Variants in MGAT4C observed in about 807,000 individuals in gnomAD.
MGAT4C encodes MGAT4 family member C.
Under a neutral mutation model 40.1 loss-of-function variants are expected in MGAT4C, and 19 were observed. That is an observed-to-expected ratio of 0.47 (90% CI 0.33 to 0.70). The LOEUF is 0.70. MGAT4C is among the 30% of genes least tolerant of loss of function. The pLI is 0.02. For synonymous variants in MGAT4C, 181 were observed against 187.1 expected, an observed-to-expected ratio of 0.97 and a Z score of 0.27; for missense variants, 491 against 563.2, an observed-to-expected ratio of 0.87 and a Z score of 1.30.
At chr12:86,367,005 G>C (rs943776080) in intron 3 of MGAT4C, among the ~76,000 whole-genome samples, 3 of 152,180 alleles carry the variant, frequency 2.0e-5, no homozygotes, top group South Asian at 4.1e-4. Context: ...ATTTGAAAGT[G>C]TTAAAAGTAA....
chr12:86,098,005 C>A (rs1041225155), intron 1 of MGAT4C, among the ~76,000 whole-genome samples: 4 of 151,586 alleles, frequency 2.6e-5, no homozygotes, highest in African/African-American at 9.7e-5. Context: ...GGAACACCTG[C>A]CTGAATTACA....
At chr12:86,655,291 CT>C (rs1185912046) in intron 2 of MGAT4C, among the ~76,000 whole-genome samples, 16 of 152,162 alleles carry the variant, frequency 1.1e-4, no homozygotes, top group Non-Finnish European at 2.1e-4. Context: ...CTATGCGGTT[CT>C]TAATTGCTTC....
At chr12:86,486,410 ACACACACAC>A (rs1958020581) in intron 2 of MGAT4C, among the ~76,000 whole-genome samples, 7 of 150,416 alleles carry the variant, frequency 4.7e-5, no homozygotes, top group Non-Finnish European at 8.9e-5. Flanking sequence ...ACACACACAC[ACACACACAC>A]AAAAGAGCAT....
At chr12:86,169,596 TAGTTTC>T (rs1437181078) in intron 1 of MGAT4C, among the ~76,000 whole-genome samples, 1 of 152,204 alleles carries the variant, frequency 6.6e-6, no homozygotes, top group African/African-American at 2.4e-5. Flanking sequence ...TCCATTGGTG[TAGTTTC>T]ATTATTAATT....
intron 2 of MGAT4C, among the ~76,000 whole-genome samples, chr12:86,479,872 G>C (rs1957904420): frequency 6.6e-6 from 1 of 151,812 alleles, no homozygotes. Flanking sequence ...ATAGAAAACT[G>C]ATCACACTTT....
chr12:86,379,492 T>C (rs904890790), intron 3 of MGAT4C, among the ~76,000 whole-genome samples: 6 of 152,114 alleles, frequency 3.9e-5, no homozygotes, highest in African/African-American at 1.4e-4. Flanking sequence ...CTAAACACTG[T>C]TGCCACCTCT....
At chr12:86,299,307 C>A (rs1178249697) in intron 4 of MGAT4C, among the ~76,000 whole-genome samples, 4 of 152,026 alleles carry the variant, frequency 2.6e-5, no homozygotes. Flanking sequence ...TTAGTAGAGA[C>A]GGGGTTTTAC....
At chr12:85,992,619 G>C (rs1282643940) in intron 2 of MGAT4C, among the ~76,000 whole-genome samples, 1 of 152,240 alleles carries the variant, frequency 6.6e-6, no homozygotes, top group Non-Finnish European at 1.5e-5. Context: ...GCATAAAATG[G>C]AAAGTTAAGA....
chr12:86,275,988 T>C (rs771828843), intron 4 of MGAT4C, among the ~76,000 whole-genome samples: 1 of 114,840 alleles, frequency 8.7e-6, no homozygotes, highest in African/African-American at 3.2e-5. Context: ...CCGGGCGTGG[T>C]GTTGGCCGCT....
chr12:86,512,888 T>C (rs965592510), intron 2 of MGAT4C, among the ~76,000 whole-genome samples: 1 of 152,268 alleles, frequency 6.6e-6, no homozygotes, highest in South Asian at 2.1e-4. Flanking sequence ...TACTGTATTG[T>C]ATATTTAAAA....
At chr12:86,690,071 G>A (rs1446463767) in intron 2 of MGAT4C, among the ~76,000 whole-genome samples, 4 of 152,140 alleles carry the variant, frequency 2.6e-5, no homozygotes, top group African/African-American at 9.7e-5. Context: ...CACTGTGGTA[G>A]GTTCCACCCA....
Position 86,483,066 on chromosome 12 carries a change from C to T in MGAT4C, c.-228-47801G>A, listed in dbSNP as rs566891830. Among the ~76,000 whole-genome samples, 10 of 152,228 alleles carry T rather than the reference C, an allele frequency of 6.6e-5. No homozygotes were observed. The East Asian group carries it at 1.9e-3, about 29-fold the overall frequency. ...TTGTAAACTACAGAAATTTATTTCT[C>T]ACAGTTTTGACGTCTGAGAAGTTCA... On this transcript the variant is annotated intron_variant, in intron 2 of 7. Transcript: ENST00000548651.
chr12:86,231,386 T>C (rs187468551), intron 1 of MGAT4C, among the ~76,000 whole-genome samples: 73 of 152,300 alleles, frequency 4.8e-4, no homozygotes, highest in Middle Eastern at 3.4e-3. Context: ...TTTGTGTACC[T>C]AACCAGTGGG....
chr12:86,081,805 C>T (rs1332744163), intron 1 of MGAT4C, among the ~76,000 whole-genome samples: 2 of 152,090 alleles, frequency 1.3e-5, no homozygotes, highest in East Asian at 1.9e-4. Context: ...CTGGAAATAT[C>T]CCCCCGTTGT....
intron 2 of MGAT4C, among the ~76,000 whole-genome samples, chr12:86,570,257 G>T (rs1368261083): frequency 6.6e-6 from 1 of 151,988 alleles, no homozygotes; most frequent in Non-Finnish European, 1.5e-5. Flanking sequence ...TAGGTCATTT[G>T]ACAATGTATA....
At chr12:86,428,783 T>A (rs955137188) in intron 3 of MGAT4C, among the ~76,000 whole-genome samples, 1 of 152,174 alleles carries the variant, frequency 6.6e-6, no homozygotes, top group Non-Finnish European at 1.5e-5. Context: ...TTTCTTATGA[T>A]CCTTTTTATT....
chr12:86,570,870 G>A (rs59818467), intron 2 of MGAT4C, among the ~76,000 whole-genome samples: 4,076 of 152,154 alleles, frequency 0.027, 144 homozygotes, highest in African/African-American at 0.084. Context: ...CTGGAATGCA[G>A]TGGCGTGACC....
chr12:86,820,600 T>G (rs960500915), intron 1 of MGAT4C, among the ~76,000 whole-genome samples: 2 of 150,862 alleles, frequency 1.3e-5, no homozygotes, highest in African/African-American at 4.8e-5. Flanking sequence ...TATTTGAAAC[T>G]ATTTTATAAA....
chr12:86,251,552 G>A (rs1296160364), intron 1 of MGAT4C, among the ~76,000 whole-genome samples: 1 of 151,962 alleles, frequency 6.6e-6, no homozygotes, highest in Non-Finnish European at 1.5e-5. Flanking sequence ...AGCCTCTTCT[G>A]TACTTCAAAT....
Sources: gnomAD v4.1 joint callset for allele counts (sites outside exome capture counted in the v4.1 genomes callset) on GRCh38, gnomAD v4.1.1 for gene constraint, MANE v1.5 for transcripts, NCBI Gene and HGNC (gene_info 2026-07-23, HGNC 2026-07-21) for gene names.